Variants in TRMT44 observed in about 807,000 individuals in gnomAD.
The protein encoded by TRMT44 is tRNA methyltransferase 44 homolog.
Under a neutral mutation model 77.3 loss-of-function variants are expected in TRMT44, and 78 were observed. The ratio of observed to expected loss-of-function variants is 1.01; its 90% CI spans 0.84 to 1.22. TRMT44 has a LOEUF of 1.22. Among genes scored for constraint, TRMT44 ranks in the 50% most tolerant of loss-of-function variants. TRMT44 has a pLI of 0.00. For missense variants in TRMT44, 1,090 were observed against 964.4 expected (o/e 1.13, Z -1.73); for synonymous variants, 391 against 383.3 (o/e 1.02, Z -0.23).
Position 8,471,214 on chromosome 4 carries a change from C to A in TRMT44, c.2044+14C>A. On this transcript the variant is annotated intron_variant, in intron 10 of 10. Transcript: ENST00000389737. ...AGGTGTTCCAAGGTACGGAGTCCGC[C>A]TCTCCCCCGCCGTTCTTTCCTTCTT... The A allele has an allele frequency of 6.7e-7, 1 of 1,499,548 alleles. No individual in the cohort carries two copies. The highest frequency in any genetic ancestry group is 9.1e-7 in the Non-Finnish European group (1 of 1,103,188). 92.9% of individuals were successfully genotyped at this position (1,499,548 alleles called of 1,614,324 possible).
intron 6 of TRMT44, among the ~76,000 whole-genome samples, chr4:8,462,660 G>A (rs952653520): frequency 2.6e-5 from 4 of 152,156 alleles, no homozygotes; most frequent in Non-Finnish European, 4.4e-5. Context: ...AGCCGAGATC[G>A]CGCCACTGCA....
intron 8 of TRMT44, among the ~76,000 whole-genome samples, chr4:8,467,423 GTTTT>G (rs896917247): frequency 6.6e-6 from 1 of 152,094 alleles, no homozygotes; most frequent in African/African-American, 2.4e-5. Context: ...GGCTCTTACT[GTTTT>G]TTTAATTTTT....
chr4:8,445,948 T>A (rs186767074), intron 1 of TRMT44, among the ~76,000 whole-genome samples: 25 of 152,308 alleles, frequency 1.6e-4, no homozygotes, highest in Admixed American at 8.5e-4. Context: ...AAATTTAGCT[T>A]AGGAATATGC....
chr4:8,473,849 G>A (rs1304904118), intron 10 of TRMT44, among the ~76,000 whole-genome samples: 3 of 152,266 alleles, frequency 2.0e-5, no homozygotes, highest in Middle Eastern at 3.4e-3. Context: ...AGGGGCGGCC[G>A]GGAGCTACCT....
rs151264296 is a variant in TRMT44, at chr4:8,468,773, C to T, written c.1927+427C>T. On this transcript the variant is annotated intron_variant, in intron 9 of 10. Transcript: ENST00000389737. ...AAATCCCCAAAACACAACAATCATC[C>T]ATGGCAAAAGGAGAAAATTACATCG... is the stretch of plus-strand genomic sequence containing the variant. Among the ~76,000 whole-genome samples, 979 of 152,318 alleles carry T rather than the reference C, an allele frequency of 6.4e-3. 7 individuals carry two copies. Among genetic ancestry groups the T allele is most frequent in the Non-Finnish European group, 0.011 (756 of 68,028 alleles).
At chr4:8,460,742 C>T (rs958990697) in intron 6 of TRMT44, among the ~76,000 whole-genome samples, 7 of 152,114 alleles carry the variant, frequency 4.6e-5, no homozygotes, top group Admixed American at 2.0e-4. Context: ...TTAGTAGAGA[C>T]GGGGTTTTGC....
rs1358972434 is a variant in TRMT44, at chr4:8,449,792, G to C, written c.858G>C (p.Lys286Asn). The C allele has an allele frequency of 7.2e-6, 11 of 1,536,014 alleles. No individual in the cohort carries two copies. The highest frequency in any genetic ancestry group is 9.6e-6 in the Non-Finnish European group (11 of 1,146,882). The change falls in exon 3 of 11, where the codon AAG (lysine) becomes AAC (asparagine). Residue 286 changes from lysine to asparagine, a missense_variant. Transcript: ENST00000389737. ...TGGCCAAGTGGTCTGTAGAGAACAA[G>C]AAGAGTGACTTTAAAAGCACCCTTT... Reference protein sequence around the residue: ...AKLAKWSVENKKSDFKSTLSL... With the variant: ...AKLAKWSVENNKSDFKSTLSL...
At chr4:8,491,148 G>C (rs535768835) in intron 2 of TRMT44, among the ~76,000 whole-genome samples, 5 of 151,082 alleles carry the variant, frequency 3.3e-5, no homozygotes, top group Admixed American at 6.6e-5. Context: ...CAGAGTGTCC[G>C]ATTGGTGTAT....
chr4:8,504,925 C>T, the TRMT44 span, among the ~76,000 whole-genome samples: 3 of 152,158 alleles, frequency 2.0e-5, no homozygotes, highest in African/African-American at 4.8e-5. The surrounding 1 kb of genome is among the most constrained non-coding windows in gnomAD (Gnocchi z 5.3). Context: ...ACCACTTCCC[C>T]CAGCCTCCTG....
At chr4:8,503,685 A>T in the TRMT44 span, among the ~76,000 whole-genome samples, 1 of 152,216 alleles carries the variant, frequency 6.6e-6, no homozygotes, top group Non-Finnish European at 1.5e-5. Context: ...TCAGGTGGTC[A>T]CAGGGCTTCT....
the TRMT44 span, among the ~76,000 whole-genome samples, chr4:8,508,063 T>C: frequency 6.6e-6 from 1 of 152,184 alleles, no homozygotes; most frequent in African/African-American, 2.4e-5. Flanking sequence ...CCCACCACCA[T>C]GCCCAGCTAA....
At chr4:8,511,179 G>A in the TRMT44 span, among the ~76,000 whole-genome samples, 3 of 152,216 alleles carry the variant, frequency 2.0e-5, no homozygotes, top group Non-Finnish European at 2.9e-5. Context: ...GCAGATGCCC[G>A]GAGTGCCGTG....
At position 8,446,567 on chromosome 4, in the gene TRMT44, G is replaced by C; in HGVS notation, c.711G>C (p.Gln237His). 6.5e-7 allele frequency: 1 copy of C among 1,535,854 alleles called. No individual in the cohort carries two copies. The highest frequency in any genetic ancestry group is 1.2e-5 in the South Asian group (1 of 84,054). Reference sequence around the variant, plus strand: ...AGATGAGCAATGTGTATCAAATTCAGCTCAGTCATAGCAAAGAAGAATGGT... The same window carrying C: ...AGATGAGCAATGTGTATCAAATTCACCTCAGTCATAGCAAAGAAGAATGGT... ...KVKMSNVYQI[Q>H]LSHSKEEWFI... The change falls in exon 2 of 11, where the codon CAG becomes CAC. Residue 237 changes from glutamine to histidine, a missense_variant. Transcript: ENST00000389737. The surrounding 1 kb of genome is among the most constrained non-coding windows in gnomAD (Gnocchi z 4.3).
intron 2 of TRMT44, among the ~76,000 whole-genome samples, chr4:8,488,718 C>G (rs1041551333): frequency 6.6e-5 from 10 of 152,322 alleles, no homozygotes; most frequent in African/African-American, 2.4e-4. Flanking sequence ...CAACCCCAAG[C>G]TCAAACAAGG....
At position 8,462,233 on chromosome 4, in the gene TRMT44, A is replaced by G. The variant is rs543999860; in HGVS notation, c.1204-1752A>G. 1.0e-3 allele frequency among the ~76,000 whole-genome samples: 156 copies of G among 151,992 alleles called. 1 individual carries two copies. Among genetic ancestry groups the G allele is most frequent in the Non-Finnish European group, 2.0e-3 (135 of 67,986 alleles). ...CAAGACCAGCCTGACCAACATGGAG[A>G]AACCCCCGTCTCTACTAAAAATACA... is the stretch of plus-strand genomic sequence containing the variant. On this transcript the variant is annotated intron_variant, in intron 6 of 10. Coordinates refer to ENST00000389737, the MANE Select transcript of TRMT44 (RefSeq NM_152544.3).
rs529178697 is a variant in TRMT44 at position 8,456,094 on chromosome 4, G to C, written c.1203+1281G>C. On this transcript the variant is annotated intron_variant, in intron 6 of 10. Coordinates refer to ENST00000389737, the MANE Select transcript of TRMT44 (RefSeq NM_152544.3). Reference sequence around the variant, plus strand: ...CAGACTGTATGTGGTGTCATTCTCTGTCAAGAGAAACGCAAATGTAAAGAT... The same window carrying C: ...CAGACTGTATGTGGTGTCATTCTCTCTCAAGAGAAACGCAAATGTAAAGAT... Among the ~76,000 whole-genome samples the C allele has an allele frequency of 2.6e-5, 4 of 152,304 alleles. No individual in the cohort carries two copies. The East Asian group carries it at 7.7e-4, about 29-fold the overall frequency.
intron 1 of TRMT44, among the ~76,000 whole-genome samples, chr4:8,442,302 T>A (rs920216379): frequency 6.6e-6 from 1 of 152,202 alleles, no homozygotes; most frequent in African/African-American, 2.4e-5. Context: ...CTATTTATGC[T>A]GAGACAAATA....
At position 8,446,514 on chromosome 4, in the gene TRMT44, G is replaced by A. The variant is rs1725069733; in HGVS notation, c.658G>A (p.Glu220Lys). The A allele has an allele frequency of 6.5e-7, 1 of 1,536,496 alleles. No homozygotes were observed. ...AACCATAACGTTTTTGCCTTTGGAAGAAGATGATGAGGGGAACCTAAAGGT... is the reference window on the plus strand; with the variant it reads ...AACCATAACGTTTTTGCCTTTGGAAAAAGATGATGAGGGGAACCTAAAGGT... Reference protein sequence around the residue: ...NGTITFLPLEEDDEGNLKVKM... With the variant: ...NGTITFLPLEKDDEGNLKVKM... Residue 220 changes from glutamate (E) to lysine (K), a missense_variant, in exon 2 of 11, where the codon GAA (glutamate) becomes AAA (lysine). Glu to Lys is a moderately conservative substitution (Grantham distance 56). Coordinates refer to ENST00000389737, the MANE Select transcript of TRMT44 (RefSeq NM_152544.3). This position sits in a 1 kb window ranked among gnomAD's most constrained non-coding sequence, Gnocchi z 4.3.
chr4:8,474,480 G>A (rs993291122), intron 10 of TRMT44, among the ~76,000 whole-genome samples: 1 of 152,218 alleles, frequency 6.6e-6, no homozygotes, highest in Non-Finnish European at 1.5e-5. Flanking sequence ...GGCTGTGAGG[G>A]TGAGCCCCCA....
Sources: allele counts gnomAD v4.1 joint callset (sites outside exome capture counted in the v4.1 genomes callset), GRCh38; gene constraint gnomAD v4.1.1; non-coding constraint Gnocchi (gnomAD v3.1); transcripts MANE v1.5; gene names NCBI Gene and HGNC (gene_info 2026-07-23, HGNC 2026-07-21).